The following BUB1 variants were observed in gnomAD, a reference collection of about 807,000 sequenced individuals.
BUB1 encodes the protein mitotic checkpoint serine/threonine-protein kinase BUB1.
A neutral mutation model predicts 135.2 loss-of-function variants in BUB1; 84 were observed. That is an observed-to-expected ratio of 0.62 (90% CI 0.52 to 0.74). The LOEUF (loss-of-function observed/expected upper bound fraction) is 0.74. BUB1 is among the 30% of genes least tolerant of loss of function. The pLI is 0.00. For missense variants in BUB1, 1,162 were observed against 1,288.3 expected, an observed-to-expected ratio of 0.90 and a Z score of 1.50; for synonymous variants, 403 against 434.4, an observed-to-expected ratio of 0.93 and a Z score of 0.90.
intron 3 of BUB1, among the ~76,000 whole-genome samples, chr2:110,673,475 C>A (rs949870213): frequency 6.6e-6 from 1 of 152,016 alleles, no homozygotes; most frequent in African/African-American, 2.4e-5. Context: ...GGAACAGAAC[C>A]CTTAAGCTGT....
Position 110,639,806 on chromosome 2 carries a change from A to G in BUB1, c.2998T>C (p.Phe1000Leu). The G allele has an allele frequency of 6.2e-7, 1 of 1,614,144 alleles. No homozygotes were observed. The highest frequency in any genetic ancestry group is 1.1e-5 in the South Asian group (1 of 91,080). The change falls in exon 24 of 25, where the codon TTT becomes CTT. Residue 1000 changes from phenylalanine (F) to leucine (L), a missense_variant. By Grantham distance (22) the Phe-to-Leu change is conservative. Transcript: ENST00000302759. ...GVAATVYCML[F>L]GTYMKVKNEG... ...TTTTTCACTTTCATGTAAGTGCCAA[A>G]GAGCATGCAATATACTGTTGCAGCA...
chr2:110,661,350 T>G, intron 10 of BUB1: 1 of 523,148 alleles, frequency 1.9e-6, no homozygotes, highest in South Asian at 3.1e-5. Context: ...TACTGAAAAT[T>G]TTTAATTCAC....
Position 110,666,405 on chromosome 2 carries a change from T to C in BUB1, c.815A>G (p.Asp272Gly). 2 of 1,428,506 alleles carry C rather than the reference T, an allele frequency of 1.4e-6. No individual in the cohort carries two copies. The highest frequency in any genetic ancestry group is 1.8e-6 in the Non-Finnish European group (2 of 1,081,580). 88.5% of individuals were successfully genotyped at this position (1,428,506 alleles called of 1,614,324 possible). A position where few individuals can be genotyped will look rare whatever the true frequency, so the allele number is the denominator to read the frequency against. The change falls in exon 9 of 25, where the codon GAC becomes GGC. Residue 272 changes from aspartate to glycine, a missense_variant. Physicochemically the swap from Asp to Gly is moderately conservative, Grantham distance 94 (BLOSUM62 -1). Transcript: ENST00000302759. ...RRKHEQWVNE[D>G]RHYMKRKEAN... is the part of the protein sequence containing the mutation. ...TTCTTTCCTTTTCATATAATGTCTG[T>C]CTTCATTTACTTTAGGAAAGATAGA...
chr2:110,661,614 G>C lies in BUB1; in HGVS notation c.1185C>G (p.Asp395Glu). 6.2e-7 allele frequency: 1 copy of C among 1,614,200 alleles called. No homozygotes were observed. Among genetic ancestry groups the C allele is most frequent in the African/African-American group, 1.3e-5 (1 of 75,052 alleles). The change falls in exon 10 of 25, where the codon GAC (aspartate) becomes GAG (glutamate). Residue 395 changes from aspartate to glutamate, a missense_variant. Physicochemically the swap from Asp to Glu is conservative, Grantham distance 45. Coordinates refer to ENST00000302759, the MANE Select transcript of BUB1 (RefSeq NM_004336.5). The stretch of plus-strand genomic sequence containing the variant: ...CTTTGCTGGCCACTGCAAACATGGA[G>C]TCTGTTACTGTCTGGGCTTTCAAAG... ...PVPLKAQTVT[D>E]SMFAVASKDA...
intron 9 of BUB1, among the ~76,000 whole-genome samples, chr2:110,662,264 T>A (rs543440948): frequency 6.6e-6 from 1 of 151,964 alleles, no homozygotes; most frequent in African/African-American, 2.4e-5. Context: ...GGGAAAAAAA[T>A]AAATAAATAA....
chr2:110,660,596 T>C (rs1690057621), intron 10 of BUB1, among the ~76,000 whole-genome samples: 1 of 151,988 alleles, frequency 6.6e-6, no homozygotes, highest in Non-Finnish European at 1.5e-5. Context: ...AAAGACCAGG[T>C]ACTAAACATT....
intron 20 of BUB1, 63 bp from the exon 21 acceptor site, chr2:110,641,866 G>C: frequency 6.6e-7 from 1 of 1,517,746 alleles, no homozygotes; most frequent in Non-Finnish European, 8.9e-7. Context: ...TAGCAATAAA[G>C]CAACCTCTAT....
At chr2:110,677,846 G>T in intron 1 of BUB1, 124 bp downstream of exon 1, 1 of 1,188,858 alleles carries the variant, frequency 8.4e-7, no homozygotes, top group Non-Finnish European at 1.2e-6. Flanking sequence ...TGCTGGGTGG[G>T]ACACATTCCA....
In BUB1 at chr2:110,641,626, A is replaced by G; in HGVS notation, c.2625+16T>C. The G allele has an allele frequency of 6.2e-7, 1 of 1,605,958 alleles. No individual in the cohort carries two copies. The highest frequency in any genetic ancestry group is 8.5e-7 in the Non-Finnish European group (1 of 1,177,240). ...CATTTTAAATTCATGTGCTCATCATAAAAATGAATACTTACTAATAATGTT... is the reference window on the plus strand; with the variant it reads ...CATTTTAAATTCATGTGCTCATCATGAAAATGAATACTTACTAATAATGTT... On this transcript the variant is annotated intron_variant, in intron 21 of 24. Transcript: ENST00000302759.
chr2:110,661,262 T>C (rs1226169469), intron 10 of BUB1: 1 of 296,628 alleles, frequency 3.4e-6, no homozygotes, highest in African/African-American at 2.2e-5. Flanking sequence ...AGGTATTCAA[T>C]CAAAGCCAGT....
At chr2:110,656,802 A>G (rs1463887122) in intron 15 of BUB1, among the ~76,000 whole-genome samples, 1 of 152,246 alleles carries the variant, frequency 6.6e-6, no homozygotes, top group Non-Finnish European at 1.5e-5. Context: ...TGAAACCACC[A>G]CAGTAATGAA....
intron 19 of BUB1, 87 bp downstream of exon 19, chr2:110,649,147 T>TCACACA (rs34802999): frequency 1.6e-4 from 178 of 1,137,864 alleles, no homozygotes; most frequent in East Asian, 3.3e-4. Flanking sequence ...AATAGGAGAA[T>TCACACA]CACACACACA....
At chr2:110,639,279 C>G (rs1399882092) in intron 24 of BUB1, among the ~76,000 whole-genome samples, 1 of 151,790 alleles carries the variant, frequency 6.6e-6, no homozygotes, top group Non-Finnish European at 1.5e-5. Flanking sequence ...CTAGGACTGT[C>G]CTGTGAGAGA....
intron 21 of BUB1, 46 bp downstream of exon 21, chr2:110,641,596 A>AAATCCATTTT: frequency 6.3e-7 from 1 of 1,593,110 alleles, no homozygotes; most frequent in South Asian, 1.1e-5. Flanking sequence ...TACAAGCCAA[A>AAATCCATTTT]AATCCATTTT....
At chr2:110,672,325 C>A (rs1449860996) in intron 4 of BUB1, among the ~76,000 whole-genome samples, 2 of 152,188 alleles carry the variant, frequency 1.3e-5, no homozygotes, top group African/African-American at 4.8e-5. Context: ...AACACTGTGA[C>A]AGATTTCACA....
chr2:110,668,615 G>C (rs1690332745), intron 6 of BUB1, among the ~76,000 whole-genome samples: 2 of 152,140 alleles, frequency 1.3e-5, no homozygotes, highest in Admixed American at 1.3e-4. Context: ...AACATAGTTG[G>C]GAAACATGAG....
intron 3 of BUB1, 142 bp from the exon 4 acceptor site, chr2:110,672,999 G>C: frequency 1.2e-6 from 1 of 804,480 alleles, no homozygotes; most frequent in Non-Finnish European, 1.8e-6. Flanking sequence ...CAGGTTTAGA[G>C]GGTTGGACTT....
At chr2:110,639,646 C>A in intron 24 of BUB1, 96 bp downstream of exon 24, 2 of 1,001,464 alleles carry the variant, frequency 2.0e-6, no homozygotes, top group East Asian at 2.4e-5. Context: ...GATTTCCATG[C>A]GGTGGCAGAG....
At chr2:110,675,407 G>A (rs571529636) in intron 1 of BUB1, 1 of 152,370 alleles carries the variant, frequency 6.6e-6, no homozygotes, top group South Asian at 2.1e-4. Flanking sequence ...GCTATCTGAG[G>A]GGGAAATGGT....
Sources: gnomAD v4.1 joint callset for allele counts (sites outside exome capture counted in the v4.1 genomes callset) on GRCh38, gnomAD v4.1.1 for gene constraint, MANE v1.5 for transcripts, NCBI Gene and HGNC (gene_info 2026-07-23, HGNC 2026-07-21) for gene names.